The following CIMIP2A variants were observed in gnomAD, a reference collection of about 807,000 sequenced individuals.
CIMIP2A encodes the protein family with sequence similarity 166 member A.
chr9:137,252,708 C>G, the CIMIP2A span: 1 of 1,552,936 alleles, frequency 6.4e-7, no homozygotes, highest in East Asian at 2.4e-5. Context: ...CCCGCCTTCC[C>G]CGCCTTCAGC....
chr9:137,248,849 C>T, the CIMIP2A span, among the ~76,000 whole-genome samples: 1 of 152,170 alleles, frequency 6.6e-6, no homozygotes, highest in Non-Finnish European at 1.5e-5. Context: ...GCCTGGGCAA[C>T]AGAACCAGAC....
the CIMIP2A span, chr9:137,245,047 G>C: frequency 1.2e-6 from 2 of 1,610,182 alleles, no homozygotes; most frequent in South Asian, 2.2e-5. Context: ...AACCTTGTGG[G>C]GAGGGGCGGC....
chr9:137,247,834 G>T, the CIMIP2A span: 1 of 992,112 alleles, frequency 1.0e-6, no homozygotes, highest in Non-Finnish European at 1.5e-6. Context: ...GCACCTCCTG[G>T]GCCAGGCCAC....
chr9:137,251,084 C>T, the CIMIP2A span: 9 of 584,208 alleles, frequency 1.5e-5, no homozygotes, highest in South Asian at 7.7e-5. Flanking sequence ...CAGGAGTCAC[C>T]GGGGCAGGCT....
chr9:137,253,131 A>T, the CIMIP2A span: 1 of 1,577,620 alleles, frequency 6.3e-7, no homozygotes, highest in South Asian at 1.2e-5. Flanking sequence ...CCCCTGGCCC[A>T]GCCGCCTACC....
the CIMIP2A span, chr9:137,244,361 G>T: frequency 6.2e-7 from 1 of 1,603,238 alleles, no homozygotes; most frequent in South Asian, 1.1e-5. Context: ...TCCCAGTGGG[G>T]GCCTGGCCGG....
the CIMIP2A span, chr9:137,245,665 G>A: frequency 0.012 from 19,074 of 1,606,234 alleles, 138 homozygotes; most frequent in Middle Eastern, 0.044. Context: ...GTAGGGCTCC[G>A]TCAGGTCTTG....
At chr9:137,253,519 G>C in the CIMIP2A span, 4 of 1,418,732 alleles carry the variant, frequency 2.8e-6, no homozygotes, top group East Asian at 2.6e-5. Context: ...CTTCACCCGG[G>C]GGCGGTCCTA....
chr9:137,244,870 T>C, the CIMIP2A span: 1 of 1,566,794 alleles, frequency 6.4e-7, no homozygotes, highest in South Asian at 1.1e-5. Flanking sequence ...GACTGTCTGA[T>C]GTGGCCAAAT....
chr9:137,244,108 G>T, the CIMIP2A span: 1 of 1,496,198 alleles, frequency 6.7e-7, no homozygotes, highest in Non-Finnish European at 9.3e-7. Flanking sequence ...GGGTGAGCAG[G>T]TAGAGCCGTC....
the CIMIP2A span, among the ~76,000 whole-genome samples, chr9:137,254,619 AAG>A: frequency 1.3e-5 from 2 of 152,244 alleles, no homozygotes; most frequent in African/African-American, 4.8e-5. Context: ...GGAGACCGAA[AAG>A]AGAGAGGGTG....
At chr9:137,247,543 A>G in the CIMIP2A span, 2 of 950,464 alleles carry the variant, frequency 2.1e-6, no homozygotes, top group South Asian at 2.9e-5. Flanking sequence ...TGTGGCCTTC[A>G]GTTTCCTGGG....
At chr9:137,244,163 C>T in the CIMIP2A span, 3 of 1,613,546 alleles carry the variant, frequency 1.9e-6, no homozygotes, top group African/African-American at 2.7e-5. Flanking sequence ...CCTGCCCACT[C>T]TACTCACCGG....
At chr9:137,251,849 C>G in the CIMIP2A span, 1 of 1,607,862 alleles carries the variant, frequency 6.2e-7, no homozygotes. Context: ...AGACGGGCAC[C>G]CCCCAGGAGT....
the CIMIP2A span, among the ~76,000 whole-genome samples, chr9:137,247,026 C>T: frequency 6.6e-6 from 1 of 152,044 alleles, no homozygotes; most frequent in Non-Finnish European, 1.5e-5. Context: ...TGGCTTAAGC[C>T]TGTCATCCCA....
chr9:137,251,118 C>G, the CIMIP2A span: 1 of 631,570 alleles, frequency 1.6e-6, no homozygotes, highest in South Asian at 1.8e-5. Flanking sequence ...CAGGCGGACC[C>G]GCTGATCATC....
the CIMIP2A span, chr9:137,251,815 A>G: frequency 6.2e-7 from 1 of 1,603,170 alleles, no homozygotes; most frequent in Non-Finnish European, 8.5e-7. Flanking sequence ...AAGATGAAGG[A>G]GATCCCAGTT....
the CIMIP2A span, chr9:137,244,593 G>A: frequency 1.2e-6 from 2 of 1,605,258 alleles, no homozygotes; most frequent in Non-Finnish European, 1.7e-6. Context: ...AGGCAGGAGA[G>A]GAAGTGTGTG....
chr9:137,245,835 C>G, the CIMIP2A span: 3 of 1,504,414 alleles, frequency 2.0e-6, no homozygotes, highest in South Asian at 4.1e-5. Context: ...AGCGCAGCTG[C>G]GGAAAGAAGC....
Sources: allele counts gnomAD v4.1 joint callset (sites outside exome capture counted in the v4.1 genomes callset), GRCh38; gene constraint gnomAD v4.1.1; transcripts MANE v1.5; gene names NCBI Gene and HGNC (gene_info 2026-07-23, HGNC 2026-07-21).